The following ZSCAN5A variants were observed in gnomAD, a reference collection of about 807,000 sequenced individuals.
ZSCAN5A encodes the protein zinc finger and SCAN domain-containing protein 5A.
A neutral mutation model predicts 23.7 loss-of-function variants in ZSCAN5A; 12 were observed. That is an observed-to-expected ratio of 0.51 (90% CI 0.32 to 0.82). The LOEUF is 0.82. ZSCAN5A is among the 40% of genes least tolerant of loss of function. ZSCAN5A has a pLI of 0.03. For missense variants in ZSCAN5A, 597 were observed against 617.9 expected (o/e 0.97, Z 0.36); for synonymous variants, 257 against 239.9 (o/e 1.07, Z -0.66).
intron 2 of ZSCAN5A, chr19:56,338,481 A>G (rs1485308577): frequency 6.6e-6 from 1 of 152,198 alleles, no homozygotes; most frequent in African/African-American, 2.4e-5. Context: ...CCACCCAGAT[A>G]CTGCAGAACA....
intron 1 of ZSCAN5A, 127 bp from the exon 2 acceptor site, chr19:56,313,511 G>C (rs1286475858): frequency 1.3e-5 from 2 of 154,334 alleles, no homozygotes; most frequent in African/African-American, 4.8e-5. Context: ...TTCAAGATGA[G>C]ATTTGGGTGG....
At position 56,222,056 on chromosome 19, in the gene ZSCAN5A, C is replaced by A. The variant is rs34187696; in HGVS notation, c.1010G>T (p.Gly337Val). ...QAGMNSIHSP[G>V]PASPVSHPDG... ...CGGGTGACTGACTGGGCTCGCAGGG[C>A]CTGGGGAATGAATTGAATTCATCCC... The change falls in exon 6 of 6, where the codon GGC (glycine) becomes GTC (valine). Residue 337 changes from glycine to valine, a missense_variant. Transcript: ENST00000683990. 0.26 allele frequency: 417,370 copies of A among 1,613,914 alleles called. 57,179 individuals carry two copies. Among genetic ancestry groups the A allele is most frequent in the Non-Finnish European group, 0.28 (336,125 of 1,179,990 alleles).
At chr19:56,248,109 T>C (rs1190050478) in intron 2 of ZSCAN5A, among the ~76,000 whole-genome samples, 1 of 152,142 alleles carries the variant, frequency 6.6e-6, no homozygotes, top group Admixed American at 6.6e-5. Context: ...TCAAAGTAGG[T>C]GTCCAGATTA....
chr19:56,321,128 C>T, intron 2 of ZSCAN5A: 1 of 670,402 alleles, frequency 1.5e-6, no homozygotes, highest in Non-Finnish European at 2.8e-6. Flanking sequence ...CTCCACGCTG[C>T]TAGGATGTCG....
At chr19:56,241,674 C>G (rs1382775889) in intron 2 of ZSCAN5A, among the ~76,000 whole-genome samples, 1 of 152,140 alleles carries the variant, frequency 6.6e-6, no homozygotes, top group African/African-American at 2.4e-5. Flanking sequence ...TGGACAACGG[C>G]TCTCTTGAAT....
chr19:56,235,886 T>C (rs541072048), intron 2 of ZSCAN5A, among the ~76,000 whole-genome samples: 231 of 2,350 alleles, frequency 0.098, 8 homozygotes, highest in Admixed American at 0.12. Context: ...CAAGCCTCCA[T>C]TCCAGCCTCT....
At chr19:56,364,239 A>T (rs138086736) in intron 1 of ZSCAN5A, among the ~76,000 whole-genome samples, 3 of 152,378 alleles carry the variant, frequency 2.0e-5, no homozygotes, top group African/African-American at 4.8e-5. Context: ...TTTAAAGCTC[A>T]GTGGTCCTCT....
chr19:56,272,111 A>G (rs888296386), intron 2 of ZSCAN5A, among the ~76,000 whole-genome samples: 64 of 152,246 alleles, frequency 4.2e-4, no homozygotes, highest in African/African-American at 1.5e-3. Flanking sequence ...TGCTCAGGGT[A>G]CATAGCTAGT....
intron 2 of ZSCAN5A, chr19:56,263,585 T>C (rs764173010): frequency 1.3e-5 from 2 of 152,220 alleles, no homozygotes; most frequent in Non-Finnish European, 2.9e-5. Flanking sequence ...ACTGCAACTC[T>C]AGACCCTGGA....
intron 2 of ZSCAN5A, among the ~76,000 whole-genome samples, chr19:56,242,167 G>A (rs2035479087): frequency 1.3e-5 from 2 of 152,102 alleles, no homozygotes; most frequent in African/African-American, 4.8e-5. Context: ...GGGGCGCAGA[G>A]GACCCCTTTC....
chr19:56,232,619 G>A (rs193135241), intron 2 of ZSCAN5A, among the ~76,000 whole-genome samples: 29 of 152,212 alleles, frequency 1.9e-4, no homozygotes, highest in Non-Finnish European at 2.1e-4. Flanking sequence ...TGACTCTGCT[G>A]TGATCCACAC....
intron 2 of ZSCAN5A, among the ~76,000 whole-genome samples, chr19:56,344,909 CAAAAA>C (rs1019131536): frequency 1.6e-3 from 30 of 19,046 alleles, no homozygotes; most frequent in South Asian, 0.01. Flanking sequence ...GACTCCGTCT[CAAAAA>C]AAAAAAAAAA....
At position 56,286,149 on chromosome 19, in the gene ZSCAN5A, G is replaced by A. The variant is rs191771715; in HGVS notation, c.-128+27134C>T. 1.5e-3 allele frequency among the ~76,000 whole-genome samples: 227 copies of A among 152,180 alleles called. 4 individuals carry two copies. The South Asian group carries it at 0.034, about 23-fold the overall frequency. On this transcript the variant is annotated intron_variant, in intron 2 of 5. Coordinates refer to ENST00000683990, the MANE Select transcript of ZSCAN5A (RefSeq NM_001322064.3). ...CGATTCTCCTGCCTCAGCCTCCCGA[G>A]TAGCTGGGACTACAGGCGCCCACCA... is the stretch of plus-strand genomic sequence containing the variant.
At position 56,221,685 on chromosome 19, in the gene ZSCAN5A, T is replaced by G; in HGVS notation, c.1381A>C (p.Ile461Leu). The G allele has an allele frequency of 6.2e-7, 1 of 1,614,252 alleles. No individual in the cohort carries two copies. The highest frequency in any genetic ancestry group is 1.1e-5 in the South Asian group (1 of 91,088). ...YRGSLKEHQR[I>L]HSGEKPYKCS... ...TTGTAGGGTTTCTCTCCGGAGTGGATGCGCTGGTGCTCCTTCAGGCTCCCC... is the reference window on the plus strand; with the variant it reads ...TTGTAGGGTTTCTCTCCGGAGTGGAGGCGCTGGTGCTCCTTCAGGCTCCCC... The change falls in exon 6 of 6, where the codon ATC (isoleucine) becomes CTC (leucine). Residue 461 changes from isoleucine to leucine, a missense_variant. Coordinates refer to ENST00000683990, the MANE Select transcript of ZSCAN5A (RefSeq NM_001322064.3).
intron 1 of ZSCAN5A, among the ~76,000 whole-genome samples, chr19:56,363,891 T>C (rs2041749152): frequency 6.6e-6 from 1 of 152,224 alleles, no homozygotes; most frequent in Non-Finnish European, 1.5e-5. Context: ...CAGACCATAG[T>C]AGTTTGGAAA....
intron 2 of ZSCAN5A, among the ~76,000 whole-genome samples, chr19:56,264,324 G>A (rs1379298903): frequency 2.0e-5 from 3 of 152,130 alleles, no homozygotes; most frequent in African/African-American, 7.2e-5. Flanking sequence ...CTATCTCAGG[G>A]TAAGGGAGTA....
At chr19:56,262,531 C>T (rs2146873928) in intron 2 of ZSCAN5A, among the ~76,000 whole-genome samples, 1 of 152,038 alleles carries the variant, frequency 6.6e-6, no homozygotes, top group South Asian at 2.1e-4. Flanking sequence ...AAGCAATTCT[C>T]CTGCCTCAGC....
intron 2 of ZSCAN5A, among the ~76,000 whole-genome samples, chr19:56,237,986 T>C (rs79211758): frequency 2.0e-3 from 33 of 16,634 alleles, no homozygotes; most frequent in Non-Finnish European, 2.3e-3. Context: ...CACACACACA[T>C]ACACACATAC....
intron 2 of ZSCAN5A, chr19:56,228,523 T>C: frequency 1.1e-6 from 1 of 891,816 alleles, no homozygotes; most frequent in Non-Finnish European, 1.3e-6. Flanking sequence ...GTCATACTGC[T>C]GAAGTATTTG....
Sources: allele counts gnomAD v4.1 joint callset (sites outside exome capture counted in the v4.1 genomes callset), GRCh38; gene constraint gnomAD v4.1.1; transcripts MANE v1.5; gene names NCBI Gene and HGNC (gene_info 2026-07-23, HGNC 2026-07-21).